Variants in UNC13C observed in about 807,000 individuals in gnomAD.
The protein encoded by UNC13C is protein unc-13 homolog C.
A neutral mutation model predicts 245.4 loss-of-function variants in UNC13C; 174 were observed. The ratio of observed to expected loss-of-function variants is 0.71; its 90% CI spans 0.63 to 0.80. The LOEUF is 0.80. Ranked by LOEUF, UNC13C falls within the 30% of genes least tolerant of loss-of-function variation. The pLI, the probability that UNC13C is intolerant of heterozygous loss-of-function variation, is 0.00. For synonymous variants in UNC13C, 992 were observed against 895.1 expected (o/e 1.11, Z -1.93); for missense variants, 2,829 against 2,602.9 (o/e 1.09, Z -1.89).
At position 54,533,007 on chromosome 15, in the gene UNC13C, C is replaced by T. The variant is rs944148344; in HGVS notation, c.5637C>T (p.Asn1879=). 1.2e-6 allele frequency: 2 copies of T among 1,600,994 alleles called. No individual in the cohort carries two copies. Among genetic ancestry groups the T allele is most frequent in the Non-Finnish European group, 1.7e-6 (2 of 1,172,928 alleles). ...RANGNTTSNK[N]SAAMDAEIVL... is the part of the protein sequence containing the mutation. ...ATGGAAACACCACATCTAATAAGAA[C>T]AGTGCAGCAATGGATGCAGAGATTG... The change falls in exon 26 of 33, where the codon AAC becomes AAT. Residue 1879 remains asparagine (N), a synonymous_variant. Transcript: ENST00000260323.
the UNC13C span, among the ~76,000 whole-genome samples, chr15:53,883,291 T>C: frequency 6.6e-6 from 1 of 152,204 alleles, no homozygotes; most frequent in Non-Finnish European, 1.5e-5. Flanking sequence ...GCCTCAAAAA[T>C]GCGGAATTGG....
chr15:54,015,058 A>G lies in UNC13C; in HGVS notation c.2155A>G (p.Asn719Asp). ...GAGCTACGACTTAACTCAAGATGAC[A>G]ATTCTTCTCCATGCCCTGGCTTGGA... is the stretch of plus-strand genomic sequence containing the variant. ...SESYDLTQDD[N>D]SSPCPGLDNE... The change falls in exon 2 of 33, where the codon AAT becomes GAT. Residue 719 changes from asparagine (N) to aspartate (D), a missense_variant. Physicochemically the swap from Asn to Asp is conservative, Grantham distance 23 (BLOSUM62 1). Transcript: ENST00000260323. 1.2e-6 allele frequency: 2 copies of G among 1,612,976 alleles called. No individual in the cohort carries two copies. The highest frequency in any genetic ancestry group is 1.3e-5 in the African/African-American group (1 of 75,020).
At chr15:54,486,541 T>C (rs985288611) in intron 19 of UNC13C, among the ~76,000 whole-genome samples, 8 of 151,996 alleles carry the variant, frequency 5.3e-5, no homozygotes, top group African/African-American at 1.9e-4. Context: ...AGGAATGAAA[T>C]CCACATTTTA....
intron 20 of UNC13C, among the ~76,000 whole-genome samples, chr15:54,498,343 G>A (rs1894047805): frequency 6.6e-6 from 1 of 151,978 alleles, no homozygotes; most frequent in African/African-American, 2.4e-5. Flanking sequence ...ATATATTCTT[G>A]ACACTGTAGA....
At chr15:54,572,527 G>A (rs1243097307) in intron 30 of UNC13C, among the ~76,000 whole-genome samples, 1 of 150,532 alleles carries the variant, frequency 6.6e-6, no homozygotes, top group East Asian at 2.0e-4. Context: ...CTGGGTTCCA[G>A]CGATTCTTCT....
intron 4 of UNC13C, among the ~76,000 whole-genome samples, chr15:54,190,434 G>A (rs537639793): frequency 6.6e-6 from 1 of 151,886 alleles, no homozygotes; most frequent in South Asian, 2.1e-4. Flanking sequence ...ATTTAATTTT[G>A]TATCTTTTTA....
At chr15:54,000,333 C>T (rs1442444686) in intron 1 of UNC13C, among the ~76,000 whole-genome samples, 1 of 152,066 alleles carries the variant, frequency 6.6e-6, no homozygotes, top group Non-Finnish European at 1.5e-5. Flanking sequence ...CTTTGATCTA[C>T]TGAAGATAAT....
At chr15:53,928,957 G>C in the UNC13C span, among the ~76,000 whole-genome samples, 23,529 of 152,198 alleles carry the variant, frequency 0.15, 2,169 homozygotes, top group Middle Eastern at 0.23. Context: ...AGTCATGAAA[G>C]AAAAGGATCA....
At chr15:53,915,727 A>T in the UNC13C span, among the ~76,000 whole-genome samples, 11 of 152,370 alleles carry the variant, frequency 7.2e-5, no homozygotes, top group African/African-American at 2.6e-4. Flanking sequence ...ATATCAGCAA[A>T]CATTTTAAAA....
intron 19 of UNC13C, among the ~76,000 whole-genome samples, chr15:54,494,346 A>G (rs966128189): frequency 6.6e-6 from 1 of 152,162 alleles, no homozygotes; most frequent in Non-Finnish European, 1.5e-5. Flanking sequence ...CTGTAACTAC[A>G]TCTGACTTTT....
At chr15:54,498,552 G>A (rs193058696) in intron 20 of UNC13C, among the ~76,000 whole-genome samples, 13 of 152,216 alleles carry the variant, frequency 8.5e-5, no homozygotes, top group Admixed American at 2.0e-4. Flanking sequence ...AATTCAAAAT[G>A]TTTTTGAAGT....
At chr15:54,364,407 C>A (rs967448618) in intron 17 of UNC13C, among the ~76,000 whole-genome samples, 2 of 152,026 alleles carry the variant, frequency 1.3e-5, no homozygotes, top group African/African-American at 4.8e-5. Context: ...AAAAGTTAGC[C>A]ACCAACAAAG....
rs569847717 is a variant in UNC13C at position 54,477,821 on chromosome 15, C to G, written c.4934-16787C>G. Among the ~76,000 whole-genome samples the G allele has an allele frequency of 7.6e-4, 113 of 149,530 alleles. 1 individual carries two copies. The highest frequency in any genetic ancestry group is 2.7e-3 in the African/African-American group (108 of 40,496). On this transcript the variant is annotated intron_variant, in intron 19 of 32. Coordinates refer to ENST00000260323, the MANE Select transcript of UNC13C (RefSeq NM_001080534.3). Reference sequence around the variant, plus strand: ...TTTGGTATCAGGATGATGCTGGCCTCATAAAATGAGTTAAGGAGGAGTCCC... The same window carrying G: ...TTTGGTATCAGGATGATGCTGGCCTGATAAAATGAGTTAAGGAGGAGTCCC...
intron 19 of UNC13C, among the ~76,000 whole-genome samples, chr15:54,433,441 A>G (rs1053094926): frequency 3.3e-5 from 5 of 152,104 alleles, no homozygotes; most frequent in Admixed American, 3.3e-4. Context: ...ATGCAAATCA[A>G]TGAACATAAT....
At chr15:54,115,885 T>A (rs2030206144) in intron 2 of UNC13C, among the ~76,000 whole-genome samples, 1 of 152,032 alleles carries the variant, frequency 6.6e-6, no homozygotes, top group South Asian at 2.1e-4. Flanking sequence ...ATGACTTTGA[T>A]GACCTGGTAA....
intron 4 of UNC13C, among the ~76,000 whole-genome samples, chr15:54,224,090 A>C (rs2035305592): frequency 6.6e-6 from 1 of 152,044 alleles, no homozygotes; most frequent in East Asian, 1.9e-4. Flanking sequence ...AAACGAAGAT[A>C]ATTTGACTTC....
intron 30 of UNC13C, among the ~76,000 whole-genome samples, chr15:54,602,746 C>T (rs962826284): frequency 6.6e-6 from 1 of 152,168 alleles, no homozygotes; most frequent in Non-Finnish European, 1.5e-5. Context: ...ACAGCCCCCA[C>T]CCTCCCTCCA....
chr15:54,480,856 G>C (rs1311607149), intron 19 of UNC13C, among the ~76,000 whole-genome samples: 1 of 152,012 alleles, frequency 6.6e-6, no homozygotes, highest in Non-Finnish European at 1.5e-5. Context: ...TTATCAATTA[G>C]CTTTTATAGG....
chr15:54,272,211 G>GC (rs1441026445), intron 10 of UNC13C, among the ~76,000 whole-genome samples: 1 of 152,116 alleles, frequency 6.6e-6, no homozygotes, highest in Non-Finnish European at 1.5e-5. Context: ...TGAAGTATAT[G>GC]GCAGCCACGT....
Sources: allele counts gnomAD v4.1 joint callset (sites outside exome capture counted in the v4.1 genomes callset), GRCh38; gene constraint gnomAD v4.1.1; transcripts MANE v1.5; gene names NCBI Gene and HGNC (gene_info 2026-07-23, HGNC 2026-07-21).